TMEM201: variants seen among roughly 807,000 people sequenced by gnomAD.
The protein encoded by TMEM201 is transmembrane protein 201.
In TMEM201, 26 loss-of-function variants were observed where a neutral mutation model predicts 63.4. The observed-to-expected ratio is 0.41, with a 90% CI of 0.30 to 0.57. TMEM201 has a LOEUF of 0.57. TMEM201 is among the 20% of genes least tolerant of loss of function. TMEM201 has a pLI of 0.29. For synonymous variants in TMEM201, 417 were observed against 421.6 expected, an observed-to-expected ratio of 0.99 and a Z score of 0.14; for missense variants, 794 against 917.7, an observed-to-expected ratio of 0.87 and a Z score of 1.74.
intron 2 of TMEM201, 140 bp downstream of exon 2, chr1:9,596,150 T>C (rs1644016232): frequency 2.7e-6 from 3 of 1,124,548 alleles, no homozygotes; most frequent in Admixed American, 4.4e-5. Context: ...CTCCAGGCCC[T>C]GAGCATGGTG....
At chr1:9,594,501 A>G (rs1569912905) in intron 1 of TMEM201, among the ~76,000 whole-genome samples, 1 of 152,206 alleles carries the variant, frequency 6.6e-6, no homozygotes, top group Non-Finnish European at 1.5e-5. Flanking sequence ...ACTCTAGGCC[A>G]GTCACTGTTA....
intron 3 of TMEM201, among the ~76,000 whole-genome samples, chr1:9,597,860 C>G (rs2100472930): frequency 6.6e-6 from 1 of 152,370 alleles, no homozygotes; most frequent in Non-Finnish European, 1.5e-5. Context: ...ACTCCTGACC[C>G]TCCTGGCCTT....
intron 1 of TMEM201, among the ~76,000 whole-genome samples, chr1:9,593,687 C>T (rs943305037): frequency 4.6e-5 from 7 of 152,248 alleles, no homozygotes; most frequent in Non-Finnish European, 8.8e-5. Flanking sequence ...GCCACAGCCC[C>T]TGCTCAGCTG....
At chr1:9,596,110 C>G in intron 2 of TMEM201, 100 bp downstream of exon 2, 16 of 1,451,166 alleles carry the variant, frequency 1.1e-5, no homozygotes, top group Non-Finnish European at 1.5e-5. Flanking sequence ...CCCCGGGGCT[C>G]ATGGACCCCA....
chr1:9,607,892 TC>T lies in TMEM201; in HGVS notation c.1393+105del. On this transcript the variant is annotated intron_variant, in intron 7 of 10. Coordinates refer to ENST00000340381, the MANE Select transcript of TMEM201 (RefSeq NM_001130924.3). This position sits in a 1 kb window ranked among gnomAD's most constrained non-coding sequence, Gnocchi z 5.4. Reference sequence around the variant, plus strand: ...AGGGAGGGCCGGGAGTGGTTAGTGTTCCTGCTGCAGAGACAGGCAGCACAGA... The same window carrying T: ...AGGGAGGGCCGGGAGTGGTTAGTGTTCTGCTGCAGAGACAGGCAGCACAGA... 1.8e-6 allele frequency: 2 copies of T among 1,126,446 alleles called. No individual in the cohort carries two copies. The highest frequency in any genetic ancestry group is 1.2e-6 in the Non-Finnish European group (1 of 800,662). 69.8% of individuals were successfully genotyped at this position (1,126,446 alleles called of 1,614,324 possible).
At chr1:9,606,475 G>C (rs577006480) in intron 6 of TMEM201, 2 of 152,274 alleles carry the variant, frequency 1.3e-5, no homozygotes, top group African/African-American at 4.8e-5. Flanking sequence ...TAGAGGGAAA[G>C]TAGCAGGGAG....
At chr1:9,594,338 G>T (rs1465574044) in intron 1 of TMEM201, among the ~76,000 whole-genome samples, 2 of 152,230 alleles carry the variant, frequency 1.3e-5, no homozygotes, top group Non-Finnish European at 2.9e-5. Flanking sequence ...CTGGGGCAGG[G>T]GGTGTGGGGT....
At chr1:9,611,619 G>A in intron 9 of TMEM201, 134 bp from the exon 10 acceptor site, 1 of 1,157,258 alleles carries the variant, frequency 8.6e-7, no homozygotes, top group Non-Finnish European at 1.2e-6. Context: ...CACTGTCCAG[G>A]GTGGATGAGT....
rs778757538 is a variant in TMEM201, at chr1:9,613,293, C to T, written c.*210C>T. 6.6e-5 allele frequency: 39 copies of T among 589,734 alleles called. No individual in the cohort carries two copies. Among genetic ancestry groups the T allele is most frequent in the Non-Finnish European group, 1.1e-4 (36 of 330,658 alleles). 36.5% of individuals were successfully genotyped at this position (589,734 alleles called of 1,614,324 possible). On this transcript the variant is annotated 3_prime_UTR_variant, in exon 11 of 11. Transcript: ENST00000340381. ...TGTGTCTGAGGTCACACTCTCTGCC[C>T]ACTCACCTCCTTGGCTGACATCGGT...
At chr1:9,595,790 C>G (rs991881632) in intron 1 of TMEM201, 100 bp from the exon 2 acceptor site, 1 of 1,559,652 alleles carries the variant, frequency 6.4e-7, no homozygotes, top group African/African-American at 1.4e-5. Flanking sequence ...ATCCCACTCC[C>G]AGCACCCTTT....
rs1224968239 is a variant in TMEM201 at position 9,610,919 on chromosome 1, C to T, written c.1765+114C>T. On this transcript the variant is annotated intron_variant, in intron 9 of 10. Coordinates refer to ENST00000340381, the MANE Select transcript of TMEM201 (RefSeq NM_001130924.3). The surrounding 1 kb of genome is among the most constrained non-coding windows in gnomAD (Gnocchi z 4.9). Reference sequence around the variant, plus strand: ...GCTCTGACTCCGGTGTGCGCCTTCCCACCCTGGAGCTCTAGGCACCCCATT... The same window carrying T: ...GCTCTGACTCCGGTGTGCGCCTTCCTACCCTGGAGCTCTAGGCACCCCATT... The T allele has an allele frequency of 4.0e-6, 6 of 1,493,038 alleles. No homozygotes were observed. The East Asian group carries it at 9.9e-5, about 25-fold the overall frequency. 92.5% of individuals were successfully genotyped at this position (1,493,038 alleles called of 1,614,324 possible). A position where few individuals can be genotyped will look rare whatever the true frequency, so the allele number is the denominator to read the frequency against.
rs185338620 is a variant in TMEM201, at chr1:9,613,041, C to T, written c.1959C>T (p.Asn653=). 1.5e-5 allele frequency: 23 copies of T among 1,551,466 alleles called. No homozygotes were observed. Among genetic ancestry groups the T allele is most frequent in the African/African-American group, 2.7e-5 (2 of 73,188 alleles). ...RGLLAVSLAA[N]ALFTSVFLYQ... The stretch of plus-strand genomic sequence containing the variant: ...TCCTGGCCGTGAGCTTGGCCGCCAA[C>T]GCCCTGTTCACCTCGGTGTTTCTGT... The change falls in exon 11 of 11, where the codon AAC becomes AAT. Residue 653 remains asparagine (N), a synonymous_variant. Coordinates refer to ENST00000340381, the MANE Select transcript of TMEM201 (RefSeq NM_001130924.3).
At chr1:9,612,406 C>T (rs1459172225) in intron 10 of TMEM201, among the ~76,000 whole-genome samples, 1 of 152,164 alleles carries the variant, frequency 6.6e-6, no homozygotes, top group Non-Finnish European at 1.5e-5. Context: ...GGCAAGAGAC[C>T]AGATCTGTGG....
chr1:9,591,912 C>T (rs895995203), intron 1 of TMEM201, among the ~76,000 whole-genome samples: 1 of 152,246 alleles, frequency 6.6e-6, no homozygotes, highest in Non-Finnish European at 1.5e-5. Flanking sequence ...GCAGATGCCC[C>T]GCTTATTGGC....
At chr1:9,596,820 G>A (rs964812374) in intron 2 of TMEM201, 39 bp from the exon 3 acceptor site, 2 of 1,549,108 alleles carry the variant, frequency 1.3e-6, no homozygotes, top group Non-Finnish European at 1.8e-6. Context: ...AGCCAGCTGG[G>A]AGGGCCTGCC....
intron 6 of TMEM201, chr1:9,602,635 C>A: frequency 1.7e-6 from 2 of 1,179,256 alleles, no homozygotes; most frequent in Non-Finnish European, 2.1e-6. Context: ...CCTCTCACCA[C>A]GCCGTTTGCT....
At chr1:9,609,561 A>G (rs1442123824) in intron 7 of TMEM201, among the ~76,000 whole-genome samples, 1 of 151,936 alleles carries the variant, frequency 6.6e-6, no homozygotes, top group East Asian at 1.9e-4. Flanking sequence ...TTTCTTCCTG[A>G]CCTCGTGATC....
intron 3 of TMEM201, 109 bp downstream of exon 3, chr1:9,597,162 C>T: frequency 7.7e-7 from 1 of 1,294,416 alleles, no homozygotes; most frequent in Non-Finnish European, 1.0e-6. Context: ...GGCCCCTGCT[C>T]TGCTAGACAG....
rs1173722998 is a variant in TMEM201, at chr1:9,613,335, ACT to A, written c.*255_*256del. On this transcript the variant is annotated 3_prime_UTR_variant, in exon 11 of 11. Coordinates refer to ENST00000340381, the MANE Select transcript of TMEM201 (RefSeq NM_001130924.3). ...GACATCGGTTGTGTTTGGTGCTGAC[ACT>A]CTGATCCCGAAGCCAGGGAGCCCCA... 13 of 546,724 alleles carry A rather than the reference ACT, an allele frequency of 2.4e-5. No individual in the cohort carries two copies. Among genetic ancestry groups the A allele is most frequent in the African/African-American group, 3.8e-5 (2 of 52,762 alleles). The allele number at this position is 546,724 out of a possible 1,614,324, so 33.9% of individuals were successfully genotyped here.
Sources: gnomAD v4.1 joint callset for allele counts (sites outside exome capture counted in the v4.1 genomes callset) on GRCh38, gnomAD v4.1.1 for gene constraint, Gnocchi (gnomAD v3.1) non-coding constraint, MANE v1.5 for transcripts, NCBI Gene and HGNC (gene_info 2026-07-23, HGNC 2026-07-21) for gene names.